SGCZ: variants seen among roughly 807,000 people sequenced by gnomAD.
SGCZ encodes the protein zeta-sarcoglycan.
SGCZ carries 40 observed loss-of-function variants against 41.3 expected under a neutral mutation model. The ratio of observed to expected loss-of-function variants is 0.97; its 90% confidence interval spans 0.75 to 1.26. The LOEUF (loss-of-function observed/expected upper bound fraction) is 1.26. SGCZ is among the 50% of genes most tolerant of loss of function. The probability of loss-of-function intolerance (pLI) is 0.00; values close to 1 mark genes in which losing one functional copy is unlikely to be tolerated. For missense variants in SGCZ, 552 were observed against 369.8 expected (o/e 1.49, Z -4.04); for synonymous variants, 206 against 137.5 (o/e 1.50, Z -3.49).
intron 5 of SGCZ, among the ~76,000 whole-genome samples, chr8:14,147,669 A>T (rs1004275196): frequency 3.9e-5 from 6 of 152,202 alleles, no homozygotes; most frequent in Non-Finnish European, 7.4e-5. Context: ...ACAGAAAATA[A>T]AGAAGCATCT....
chr8:14,256,193 T>A (rs1018324921), intron 3 of SGCZ, among the ~76,000 whole-genome samples: 1 of 152,152 alleles, frequency 6.6e-6, no homozygotes, highest in Non-Finnish European at 1.5e-5. Flanking sequence ...ATTTTTACCA[T>A]AACCTTGGAG....
At chr8:14,988,813 A>T (rs1291330410) in intron 1 of SGCZ, among the ~76,000 whole-genome samples, 1 of 152,182 alleles carries the variant, frequency 6.6e-6, no homozygotes, top group East Asian at 1.9e-4. Context: ...AATACCATTG[A>T]AATACTAAGA....
chr8:14,286,044 G>C (rs1003470225), intron 3 of SGCZ, among the ~76,000 whole-genome samples: 2 of 151,798 alleles, frequency 1.3e-5, no homozygotes, highest in African/African-American at 4.8e-5. Flanking sequence ...TTTAGCATTT[G>C]AGGCTTAGTT....
chr8:14,558,932 C>G (rs1400987911), intron 1 of SGCZ, among the ~76,000 whole-genome samples: 1 of 151,972 alleles, frequency 6.6e-6, no homozygotes, highest in African/African-American at 2.4e-5. Context: ...ATTAGCATCC[C>G]TTTATGATTA....
At chr8:14,247,906 T>C (rs1209682117) in intron 3 of SGCZ, among the ~76,000 whole-genome samples, 1 of 152,176 alleles carries the variant, frequency 6.6e-6, no homozygotes, top group African/African-American at 2.4e-5. Flanking sequence ...CTTATTTTGG[T>C]GAGCAGAAAG....
At chr8:14,175,384 G>A (rs976248559) in intron 4 of SGCZ, among the ~76,000 whole-genome samples, 3 of 152,088 alleles carry the variant, frequency 2.0e-5, no homozygotes, top group Non-Finnish European at 4.4e-5. Context: ...ATGAGTAGAT[G>A]TAAGAAGTAC....
At chr8:15,103,793 G>A (rs1806706812) in intron 1 of SGCZ, among the ~76,000 whole-genome samples, 1 of 152,198 alleles carries the variant, frequency 6.6e-6, no homozygotes, top group East Asian at 1.9e-4. Flanking sequence ...CATAATGGGA[G>A]AGAAAGAAAC....
intron 1 of SGCZ, among the ~76,000 whole-genome samples, chr8:15,052,770 A>G (rs1428058588): frequency 6.6e-6 from 1 of 152,190 alleles, no homozygotes; most frequent in Non-Finnish European, 1.5e-5. Flanking sequence ...GTGGTTAAAA[A>G]GCATATCCAA....
intron 1 of SGCZ, among the ~76,000 whole-genome samples, chr8:15,017,735 G>C (rs534058321): frequency 6.6e-6 from 1 of 152,004 alleles, no homozygotes; most frequent in Non-Finnish European, 1.5e-5. Flanking sequence ...CAAATTCCTG[G>C]GCTCAAGTGA....
chr8:15,048,560 A>G (rs188608817), intron 1 of SGCZ, among the ~76,000 whole-genome samples: 7 of 152,122 alleles, frequency 4.6e-5, no homozygotes. Flanking sequence ...ATCATTACAC[A>G]TTGTGTACAT....
At chr8:14,666,210 A>G (rs767662944) in intron 1 of SGCZ, among the ~76,000 whole-genome samples, 38 of 152,208 alleles carry the variant, frequency 2.5e-4, no homozygotes, top group Admixed American at 1.4e-3. Context: ...GAAGCATCCT[A>G]TTACTGAAAT....
chr8:14,828,773 T>A (rs568200226), intron 1 of SGCZ, among the ~76,000 whole-genome samples: 2 of 152,234 alleles, frequency 1.3e-5, no homozygotes, highest in East Asian at 3.9e-4. Context: ...TTTGAGAGAA[T>A]CATCAACTAA....
chr8:14,369,110 T>C (rs1803820431), intron 2 of SGCZ, among the ~76,000 whole-genome samples: 1 of 151,220 alleles, frequency 6.6e-6, no homozygotes, highest in Non-Finnish European at 1.5e-5. Flanking sequence ...ATATGAAAAT[T>C]GGGAAATTAA....
At chr8:14,491,494 T>C (rs78747047) in intron 2 of SGCZ, among the ~76,000 whole-genome samples, 13 of 152,298 alleles carry the variant, frequency 8.5e-5, no homozygotes, top group African/African-American at 3.1e-4. Context: ...AACATAACTC[T>C]CAAGACTGTG....
intron 1 of SGCZ, among the ~76,000 whole-genome samples, chr8:14,781,684 G>T (rs1323664693): frequency 6.6e-6 from 1 of 152,112 alleles, no homozygotes; most frequent in African/African-American, 2.4e-5. Flanking sequence ...TTGTGATGGA[G>T]TTACATCTAA....
intron 1 of SGCZ, among the ~76,000 whole-genome samples, chr8:14,984,609 G>T (rs965876811): frequency 6.6e-6 from 1 of 151,790 alleles, no homozygotes; most frequent in Non-Finnish European, 1.5e-5. Flanking sequence ...TCTGACCATT[G>T]TATATCCTGT....
At chr8:14,864,947 C>G (rs1803875714) in intron 1 of SGCZ, among the ~76,000 whole-genome samples, 1 of 151,816 alleles carries the variant, frequency 6.6e-6, no homozygotes, top group African/African-American at 2.4e-5. Context: ...TTTTCTATGT[C>G]TTTTTTGAGA....
At chr8:14,445,751 G>T (rs542350581) in intron 2 of SGCZ, among the ~76,000 whole-genome samples, 1 of 152,162 alleles carries the variant, frequency 6.6e-6, no homozygotes, top group Non-Finnish European at 1.5e-5. Context: ...AGGTGATGTG[G>T]CAAGGGGTCA....
At chr8:14,137,304 G>A (rs1803229595) in intron 5 of SGCZ, among the ~76,000 whole-genome samples, 1 of 152,228 alleles carries the variant, frequency 6.6e-6, no homozygotes, top group Non-Finnish European at 1.5e-5. Flanking sequence ...GCAAGCAACG[G>A]AACAAAGATG....
Sources: gnomAD v4.1 joint callset for allele counts (sites outside exome capture counted in the v4.1 genomes callset) on GRCh38, gnomAD v4.1.1 for gene constraint, MANE v1.5 for transcripts, NCBI Gene and HGNC (gene_info 2026-07-23, HGNC 2026-07-21) for gene names.